AMPH: variants seen among roughly 807,000 people sequenced by gnomAD.
AMPH encodes amphiphysin (Stiff-Mann syndrome with breast cancer 128kD autoantigen).
In AMPH, 49 loss-of-function variants were observed where a neutral mutation model predicts 99.1. The ratio of observed to expected loss-of-function variants is 0.49; its 90% confidence interval spans 0.39 to 0.63. The LOEUF is 0.63. Among genes scored for constraint, AMPH ranks in the 20% least tolerant of loss-of-function variants. AMPH has a pLI of 0.00. For synonymous variants in AMPH, 314 were observed against 317.3 expected, an observed-to-expected ratio of 0.99 and a Z score of 0.11; for missense variants, 759 against 863.4, an observed-to-expected ratio of 0.88 and a Z score of 1.52.
chr7:38,630,808 C>T (rs1794427529), intron 1 of AMPH, among the ~76,000 whole-genome samples: 1 of 152,218 alleles, frequency 6.6e-6, no homozygotes, highest in African/African-American at 2.4e-5. Flanking sequence ...GCCACAAAAT[C>T]CCCCGCAAGA....
intron 1 of AMPH, among the ~76,000 whole-genome samples, chr7:38,568,689 G>C (rs982618122): frequency 4.6e-5 from 7 of 152,196 alleles, no homozygotes; most frequent in African/African-American, 2.4e-5. Flanking sequence ...ACAGGCATAA[G>C]GGGCAGGCAC....
At chr7:38,442,928 GTTAT>G (rs1190496806) in intron 11 of AMPH, among the ~76,000 whole-genome samples, 2 of 152,038 alleles carry the variant, frequency 1.3e-5, no homozygotes, top group Non-Finnish European at 2.9e-5. Context: ...CCACAGGCTA[GTTAT>G]TTGAGACGAT....
Position 38,514,622 on chromosome 7 carries a change from T to C in AMPH, c.151-10918A>G, listed in dbSNP as rs577161319. Among the ~76,000 whole-genome samples the C allele has an allele frequency of 1.1e-4, 17 of 152,296 alleles. No individual in the cohort carries two copies. The East Asian group carries it at 3.3e-3, about 29-fold the overall frequency. On this transcript the variant is annotated intron_variant, in intron 2 of 20. Transcript: ENST00000356264. ...CATTATCATGTGAGTGGCCTAGTTA[T>C]CATGGGAGTGGGCTCCTGGTATTAA...
chr7:38,600,122 T>TA (rs1405242364), intron 1 of AMPH, among the ~76,000 whole-genome samples: 3 of 152,128 alleles, frequency 2.0e-5, no homozygotes, highest in Non-Finnish European at 2.9e-5. Context: ...TGTGATAGTT[T>TA]AAAAAAATAA....
intron 12 of AMPH, among the ~76,000 whole-genome samples, chr7:38,434,521 C>T (rs536155899): frequency 6.6e-6 from 1 of 152,198 alleles, no homozygotes; most frequent in African/African-American, 2.4e-5. Context: ...GGGCAGATCA[C>T]GCGGTCAGGA....
chr7:38,532,585 T>C (rs780214765), intron 2 of AMPH, among the ~76,000 whole-genome samples: 1 of 152,102 alleles, frequency 6.6e-6, no homozygotes, highest in Non-Finnish European at 1.5e-5. Flanking sequence ...GTGACCAAAA[T>C]AGATAGCAGG....
chr7:38,413,920 T>C (rs1385325237), intron 17 of AMPH, among the ~76,000 whole-genome samples: 1 of 152,188 alleles, frequency 6.6e-6, no homozygotes, highest in Non-Finnish European at 1.5e-5. Context: ...AAAACCCAAA[T>C]GCTGTTTCCC....
intron 11 of AMPH, among the ~76,000 whole-genome samples, chr7:38,453,306 G>C (rs1396352902): frequency 6.6e-6 from 1 of 152,188 alleles, no homozygotes; most frequent in Non-Finnish European, 1.5e-5. Flanking sequence ...TTGATGGAGA[G>C]ACACTGAAAG....
intron 17 of AMPH, among the ~76,000 whole-genome samples, chr7:38,398,288 C>T (rs1297529513): frequency 1.3e-5 from 2 of 151,272 alleles, no homozygotes; most frequent in African/African-American, 4.9e-5. Context: ...TTGGAAGCAA[C>T]CTAAGTATCC....
At chr7:38,416,759 GC>G in intron 17 of AMPH, among the ~76,000 whole-genome samples, 1 of 152,238 alleles carries the variant, frequency 6.6e-6, no homozygotes, top group South Asian at 2.1e-4. Context: ...TCTGGGAGTG[GC>G]CCTGGACACA....
intron 1 of AMPH, among the ~76,000 whole-genome samples, chr7:38,568,955 G>T (rs573868265): frequency 3.3e-5 from 5 of 152,234 alleles, no homozygotes; most frequent in African/African-American, 1.2e-4. Context: ...TTATTATTGA[G>T]TTATATAAAA....
Position 38,440,531 on chromosome 7 carries a change from T to G in AMPH, c.1018-4143A>C, listed in dbSNP as rs894648397. ...TATATGTGAGTTTTTATTATTTAAA[T>G]CTTTTAAAAAGATAATTGGCTGCTT... On this transcript the variant is annotated intron_variant, in intron 11 of 20. Coordinates refer to ENST00000356264, the MANE Select transcript of AMPH (RefSeq NM_001635.4). Among the ~76,000 whole-genome samples the G allele has an allele frequency of 2.6e-5, 4 of 152,306 alleles. No homozygotes were observed. The East Asian group carries it at 7.7e-4, about 29-fold the overall frequency.
chr7:38,498,329 G>A (rs1789006089), intron 3 of AMPH, among the ~76,000 whole-genome samples: 1 of 152,098 alleles, frequency 6.6e-6, no homozygotes, highest in Non-Finnish European at 1.5e-5. Context: ...AAAGTAGTTG[G>A]CACAAGCAAA....
chr7:38,604,677 CTTA>C (rs1014235483), intron 1 of AMPH, among the ~76,000 whole-genome samples: 1 of 152,156 alleles, frequency 6.6e-6, no homozygotes, highest in African/African-American at 2.4e-5. Flanking sequence ...AGACCCAGCT[CTTA>C]TTATTATTAC....
At chr7:38,587,775 A>T (rs1792708306) in intron 1 of AMPH, among the ~76,000 whole-genome samples, 1 of 152,168 alleles carries the variant, frequency 6.6e-6, no homozygotes, top group Admixed American at 6.5e-5. Flanking sequence ...AACTGTCATA[A>T]TAATTGTGCT....
chr7:38,481,821 C>G (rs577680044), intron 5 of AMPH, among the ~76,000 whole-genome samples: 2 of 152,222 alleles, frequency 1.3e-5, no homozygotes, highest in Admixed American at 1.3e-4. Context: ...AAATTCTCCA[C>G]TGAGTATTTT....
intron 3 of AMPH, 152 bp downstream of exon 3, chr7:38,503,498 G>GT (rs1554348729): frequency 2.0e-5 from 11 of 562,930 alleles, no homozygotes; most frequent in East Asian, 3.1e-5. Context: ...TTTGGGGCGG[G>GT]GGGGTGGGTG....
intron 11 of AMPH, among the ~76,000 whole-genome samples, chr7:38,453,948 A>G (rs1000124438): frequency 6.6e-6 from 1 of 152,220 alleles, no homozygotes; most frequent in African/African-American, 2.4e-5. Context: ...GGAAATTAGA[A>G]TTGCTCAAGT....
chr7:38,609,591 G>A (rs1793555510), intron 1 of AMPH, among the ~76,000 whole-genome samples: 1 of 152,152 alleles, frequency 6.6e-6, no homozygotes, highest in South Asian at 2.1e-4. Context: ...TCTCCAAGTG[G>A]ACCGAACCAA....
Sources: gnomAD v4.1 joint callset for allele counts (sites outside exome capture counted in the v4.1 genomes callset) on GRCh38, gnomAD v4.1.1 for gene constraint, MANE v1.5 for transcripts, NCBI Gene and HGNC (gene_info 2026-07-23, HGNC 2026-07-21) for gene names.